PLA2G2C: variants seen among roughly 807,000 people sequenced by gnomAD.
PLA2G2C encodes the protein putative inactive group IIC secretory phospholipase A2.
Under a neutral mutation model 14.3 loss-of-function variants are expected in PLA2G2C, and 15 were observed. The observed-to-expected ratio is 1.05, with a 90% CI of 0.70 to 1.62. The LOEUF is 1.62. PLA2G2C is among the 40% of genes most tolerant of loss of function. The probability of loss-of-function intolerance (pLI) is 0.00; values close to 1 mark genes in which losing one functional copy is unlikely to be tolerated. For missense variants in PLA2G2C, 162 were observed against 173.2 expected (o/e 0.94, Z 0.36); for synonymous variants, 79 against 67.7 (o/e 1.17, Z -0.82).
chr1:20,179,962 G>A (rs186453731), intron 1 of PLA2G2C, among the ~76,000 whole-genome samples: 174 of 145,344 alleles, frequency 1.2e-3, no homozygotes, highest in African/African-American at 4.2e-3. Flanking sequence ...CTTCTCCCTC[G>A]TGTGTCAGTT....
chr1:20,171,865 C>T lies in PLA2G2C; in HGVS notation c.283+929G>A, dbSNP rs564257504. Among the ~76,000 whole-genome samples, 20 of 150,502 alleles carry T rather than the reference C, an allele frequency of 1.3e-4. No homozygotes were observed. In the South Asian group the frequency reaches 4.1e-3, roughly 31 times the overall value. ...CAAGCTCCGCCTCCCGGGTTCACGCCATTCTCCTGCCTCAGCCTCCCGAGT... is the reference window on the plus strand; with the variant it reads ...CAAGCTCCGCCTCCCGGGTTCACGCTATTCTCCTGCCTCAGCCTCCCGAGT... On this transcript the variant is annotated intron_variant, in intron 4 of 4. Coordinates refer to ENST00000679259, the MANE Select transcript of PLA2G2C (RefSeq NM_001367969.2).
chr1:20,171,752 C>T (rs917687910), intron 4 of PLA2G2C, among the ~76,000 whole-genome samples: 1 of 148,720 alleles, frequency 6.7e-6, no homozygotes, highest in Non-Finnish European at 1.5e-5. Context: ...TAAGAAGCCA[C>T]TTCTTCTTTT....
intron 4 of PLA2G2C, among the ~76,000 whole-genome samples, chr1:20,165,015 A>C (rs1440578861): frequency 1.3e-5 from 2 of 152,182 alleles, no homozygotes; most frequent in Non-Finnish European, 2.9e-5. Flanking sequence ...GTGGTTTCCT[A>C]TTCGGGAAAG....
chr1:20,183,428 G>T (rs956683026), intron 1 of PLA2G2C, among the ~76,000 whole-genome samples: 10 of 152,172 alleles, frequency 6.6e-5, no homozygotes, highest in African/African-American at 2.4e-4. Context: ...GTCCAGGGTG[G>T]GCTTTGGAAA....
At chr1:20,177,228 C>A in intron 2 of PLA2G2C, 96 bp downstream of exon 2, 1 of 697,986 alleles carries the variant, frequency 1.4e-6, no homozygotes, top group Non-Finnish European at 2.6e-6. Flanking sequence ...GGACTTGTGA[C>A]TTCCCTCACC....
chr1:20,172,695 A>C, intron 4 of PLA2G2C, 99 bp downstream of exon 4: 8 of 1,022,248 alleles, frequency 7.8e-6, no homozygotes, highest in Non-Finnish European at 1.0e-5. Flanking sequence ...AGCACTTGGA[A>C]GCATTTCATT....
At chr1:20,176,139 G>A (rs10916719) in intron 2 of PLA2G2C, among the ~76,000 whole-genome samples, 40,330 of 151,870 alleles carry the variant, frequency 0.27, 5,636 homozygotes, top group Middle Eastern at 0.32. Flanking sequence ...GGCTGGTCTC[G>A]AACTCCTGAC....
At chr1:20,168,120 G>A (rs1412067556) in intron 4 of PLA2G2C, among the ~76,000 whole-genome samples, 1 of 152,212 alleles carries the variant, frequency 6.6e-6, no homozygotes, top group Non-Finnish European at 1.5e-5. Context: ...GCCAGCAGCT[G>A]ACCCCTTGGA....
At chr1:20,167,322 G>A (rs1424066448) in intron 4 of PLA2G2C, among the ~76,000 whole-genome samples, 1 of 152,026 alleles carries the variant, frequency 6.6e-6, no homozygotes, top group Non-Finnish European at 1.5e-5. Flanking sequence ...CAAACTCAAG[G>A]TGACTCACAC....
intron 4 of PLA2G2C, among the ~76,000 whole-genome samples, chr1:20,165,311 G>A (rs1388909331): frequency 6.6e-6 from 1 of 152,168 alleles, no homozygotes; most frequent in Non-Finnish European, 1.5e-5. Flanking sequence ...GGTGCTCCCT[G>A]ACCACCTGAA....
intron 1 of PLA2G2C, among the ~76,000 whole-genome samples, chr1:20,185,878 A>G (rs1309693066): frequency 1.3e-5 from 2 of 152,146 alleles, no homozygotes; most frequent in Non-Finnish European, 2.9e-5. Context: ...CGGTGACGCT[A>G]GGAAGAGGAG....
At chr1:20,183,871 G>C (rs771204226) in intron 1 of PLA2G2C, among the ~76,000 whole-genome samples, 2 of 152,180 alleles carry the variant, frequency 1.3e-5, no homozygotes, top group Admixed American at 1.3e-4. Context: ...TAGAAAGGAA[G>C]GTGAGTCCAC....
intron 1 of PLA2G2C, among the ~76,000 whole-genome samples, chr1:20,178,777 T>G (rs1275520654): frequency 6.6e-6 from 1 of 152,248 alleles, no homozygotes; most frequent in Non-Finnish European, 1.5e-5. Context: ...GCACCAACTA[T>G]GAGCTCTTCT....
intron 1 of PLA2G2C, among the ~76,000 whole-genome samples, chr1:20,181,393 C>T (rs1241405966): frequency 2.0e-5 from 3 of 152,050 alleles, no homozygotes; most frequent in Non-Finnish European, 2.9e-5. Flanking sequence ...GAGGCATATA[C>T]GATTCATTCC....
At chr1:20,169,547 T>C (rs1334143271) in intron 4 of PLA2G2C, among the ~76,000 whole-genome samples, 2 of 152,158 alleles carry the variant, frequency 1.3e-5, no homozygotes, top group Non-Finnish European at 2.9e-5. Context: ...CAGAGCGGAC[T>C]CTTCAAAGAA....
chr1:20,166,471 C>G (rs2017981783), intron 4 of PLA2G2C, among the ~76,000 whole-genome samples: 1 of 152,190 alleles, frequency 6.6e-6, no homozygotes, highest in South Asian at 2.1e-4. Context: ...GCCCAGCTCC[C>G]CAGGTAGCCC....
intron 2 of PLA2G2C, among the ~76,000 whole-genome samples, chr1:20,176,183 TGCTGG>T (rs2100721315): frequency 6.6e-6 from 1 of 152,236 alleles, no homozygotes; most frequent in Admixed American, 6.5e-5. Context: ...CCTCCCAAAG[TGCTGG>T]GATTATAGTC....
intron 3 of PLA2G2C, 138 bp downstream of exon 3, chr1:20,174,869 C>G: frequency 1.1e-6 from 1 of 900,854 alleles, no homozygotes. Flanking sequence ...CTCCAAATCC[C>G]GTTCAGTTCT....
At chr1:20,183,807 G>A (rs2018316206) in intron 1 of PLA2G2C, among the ~76,000 whole-genome samples, 2 of 152,228 alleles carry the variant, frequency 1.3e-5, no homozygotes, top group African/African-American at 4.8e-5. Flanking sequence ...CCCATCTGGG[G>A]AGCAAGCTGG....
Sources: gnomAD v4.1 joint callset for allele counts (sites outside exome capture counted in the v4.1 genomes callset) on GRCh38, gnomAD v4.1.1 for gene constraint, MANE v1.5 for transcripts, NCBI Gene and HGNC (gene_info 2026-07-23, HGNC 2026-07-21) for gene names.